Variants in GPM6A observed in about 807,000 individuals in gnomAD.
GPM6A encodes glycoprotein M6A.
In GPM6A, 7 loss-of-function variants were observed where a neutral mutation model predicts 32.1. That is an observed-to-expected ratio of 0.22 (90% confidence interval 0.12 to 0.41). The LOEUF (loss-of-function observed/expected upper bound fraction) is 0.41. Ranked by LOEUF, GPM6A falls within the 10% of genes least tolerant of loss-of-function variation. The pLI, the probability that GPM6A is intolerant of heterozygous loss-of-function variation, is 1.00. For synonymous variants in GPM6A, 130 were observed against 123.4 expected (o/e 1.05, Z -0.35); for missense variants, 235 against 347.2 (o/e 0.68, Z 2.57).
At chr4:175,650,293 TATTTATTTATTTATTTATTTA>T (rs1166750474) in intron 4 of GPM6A, among the ~76,000 whole-genome samples, 18 of 66,226 alleles carry the variant, frequency 2.7e-4, no homozygotes, top group African/African-American at 1.2e-3. Flanking sequence ...TTTATTTATT[TATTTATTTATTTATTTATTTA>T]TTTATTTTGA....
intron 1 of GPM6A, among the ~76,000 whole-genome samples, chr4:175,704,623 C>T (rs1215380476): frequency 6.6e-6 from 1 of 152,076 alleles, no homozygotes; most frequent in Non-Finnish European, 1.5e-5. Context: ...CAATGTAGAG[C>T]TATCCCTATT....
upstream of GPM6A, among the ~76,000 whole-genome samples, chr4:175,813,494 C>A (rs1006849511): frequency 2.0e-5 from 3 of 151,948 alleles, no homozygotes; most frequent in African/African-American, 7.3e-5. Context: ...GTCTTCATCT[C>A]CAAATCAGCC....
upstream of GPM6A, among the ~76,000 whole-genome samples, chr4:175,816,898 A>ATGTC (rs1359101908): frequency 4.0e-4 from 60 of 151,880 alleles, no homozygotes; most frequent in Non-Finnish European, 4.3e-4. Flanking sequence ...TCTCGCTCAA[A>ATGTC]GCCCAGGCTG....
At chr4:175,835,885 A>G (rs1735753506) in intron 1 of GPM6A, among the ~76,000 whole-genome samples, 1 of 151,290 alleles carries the variant, frequency 6.6e-6, no homozygotes, top group Admixed American at 6.6e-5. Flanking sequence ...GGCTTTCAGA[A>G]CATTTACCCA....
At chr4:175,990,378 G>C (rs1020765156) in intron 1 of GPM6A, among the ~76,000 whole-genome samples, 2 of 152,246 alleles carry the variant, frequency 1.3e-5, no homozygotes, top group Admixed American at 6.5e-5. Context: ...TTCCTGACCA[G>C]TGGTTTTACC....
chr4:175,893,864 G>A (rs73871254), intron 1 of GPM6A, among the ~76,000 whole-genome samples: 2,155 of 152,054 alleles, frequency 0.014, 53 homozygotes, highest in African/African-American at 0.049. Context: ...GGACATGAAG[G>A]TGCTAAAACT....
intron 1 of GPM6A, among the ~76,000 whole-genome samples, chr4:175,846,098 C>G (rs529911683): frequency 6.6e-6 from 1 of 152,008 alleles, no homozygotes; most frequent in African/African-American, 2.4e-5. Flanking sequence ...CCTAATGTGT[C>G]GTAACATCGT....
chr4:175,832,420 T>G (rs1264439404), intron 1 of GPM6A, among the ~76,000 whole-genome samples: 1 of 152,214 alleles, frequency 6.6e-6, no homozygotes, highest in African/African-American at 2.4e-5. Flanking sequence ...GATTTTTCTT[T>G]TAAGACAATA....
intron 1 of GPM6A, among the ~76,000 whole-genome samples, chr4:175,839,462 A>T (rs1448844115): frequency 6.6e-6 from 1 of 152,230 alleles, no homozygotes; most frequent in Non-Finnish European, 1.5e-5. Flanking sequence ...GGACTTCACC[A>T]AAAGTAAAAC....
At chr4:175,637,322 A>C (rs1560842066) in intron 6 of GPM6A, among the ~76,000 whole-genome samples, 1 of 36,014 alleles carries the variant, frequency 2.8e-5, no homozygotes, top group African/African-American at 1.2e-4. Context: ...AATATAAAAT[A>C]TATATTATAT....
At chr4:175,875,603 C>T (rs1737057142) in intron 1 of GPM6A, among the ~76,000 whole-genome samples, 1 of 152,056 alleles carries the variant, frequency 6.6e-6, no homozygotes, top group Admixed American at 6.6e-5. Flanking sequence ...ATGATACTTT[C>T]CAAAAGTTGG....
At chr4:175,708,473 C>T (rs527857544) in intron 1 of GPM6A, among the ~76,000 whole-genome samples, 93 of 152,018 alleles carry the variant, frequency 6.1e-4, no homozygotes, top group Middle Eastern at 6.8e-3. Flanking sequence ...GCAACCTCCG[C>T]CTCCTGGGTT....
intron 1 of GPM6A, among the ~76,000 whole-genome samples, chr4:175,722,406 A>G (rs906184914): frequency 5.9e-5 from 9 of 152,120 alleles, no homozygotes; most frequent in Non-Finnish European, 1.0e-4. Context: ...ATAAGTAATT[A>G]AAGTTTTTAT....
chr4:175,700,586 C>T (rs1207695473), intron 2 of GPM6A, among the ~76,000 whole-genome samples: 1 of 152,060 alleles, frequency 6.6e-6, no homozygotes, highest in East Asian at 1.9e-4. Context: ...AATCTAAAAG[C>T]ATCATATTAG....
At chr4:175,635,426 T>C (rs79422343) in intron 6 of GPM6A, among the ~76,000 whole-genome samples, 3,390 of 152,234 alleles carry the variant, frequency 0.022, 156 homozygotes, top group East Asian at 0.18. Context: ...ATCAGAAATA[T>C]TTTCACATAC....
At chr4:175,674,552 G>C (rs745999475) in intron 2 of GPM6A, among the ~76,000 whole-genome samples, 1 of 152,150 alleles carries the variant, frequency 6.6e-6, no homozygotes, top group Non-Finnish European at 1.5e-5. Context: ...ATTTGTGTAT[G>C]TAACACTGGT....
intron 1 of GPM6A, among the ~76,000 whole-genome samples, chr4:175,739,102 G>A (rs1731780071): frequency 6.6e-6 from 1 of 152,148 alleles, no homozygotes; most frequent in Non-Finnish European, 1.5e-5. Context: ...AGCTGTGCCT[G>A]ACAAGGTGTT....
chr4:175,927,712 C>T (rs962895615), intron 1 of GPM6A, among the ~76,000 whole-genome samples: 9 of 152,144 alleles, frequency 5.9e-5, no homozygotes, highest in African/African-American at 1.7e-4. Flanking sequence ...TGGTGAAACA[C>T]CATCTCTATA....
At chr4:175,911,894 A>C (rs987354446) in intron 1 of GPM6A, among the ~76,000 whole-genome samples, 1 of 152,202 alleles carries the variant, frequency 6.6e-6, no homozygotes, top group Non-Finnish European at 1.5e-5. Context: ...CAAATCAAGA[A>C]GGGCAGGAAA....
Sources: allele counts gnomAD v4.1 joint callset (sites outside exome capture counted in the v4.1 genomes callset), GRCh38; gene constraint gnomAD v4.1.1; transcripts MANE v1.5; gene names NCBI Gene and HGNC (gene_info 2026-07-23, HGNC 2026-07-21).